Variants in USH2A observed in about 807,000 individuals in gnomAD.
USH2A encodes the protein Usher syndrome 2A (autosomal recessive, mild).
Under a neutral mutation model 538.9 loss-of-function variants are expected in USH2A, and 443 were observed. The ratio of observed to expected loss-of-function variants is 0.82; its 90% CI spans 0.76 to 0.89. The LOEUF is 0.89. Ranked by LOEUF, USH2A falls within the 40% of genes least tolerant of loss-of-function variation. The pLI, the probability that USH2A is intolerant of heterozygous loss-of-function variation, is 0.00. For missense variants in USH2A, 6,633 were observed against 6,324.8 expected (o/e 1.05, Z -1.65); for synonymous variants, 2,413 against 2,273.5 (o/e 1.06, Z -1.75).
chr1:216,358,228 G>A (rs2038424169), intron 4 of USH2A, among the ~76,000 whole-genome samples: 1 of 152,106 alleles, frequency 6.6e-6, no homozygotes. Flanking sequence ...CTTTCTGGGT[G>A]CAGAAACAGA....
At chr1:215,719,362 C>CAAAAAAAAAAAAA (rs375176415) in intron 61 of USH2A, among the ~76,000 whole-genome samples, 1 of 74,640 alleles carries the variant, frequency 1.3e-5, no homozygotes, top group African/African-American at 4.8e-5. Context: ...CCTCAGGAGA[C>CAAAAAAAAAAAAA]AAAAAAAAAA....
chr1:215,642,220 G>A (rs1008952970), intron 67 of USH2A, among the ~76,000 whole-genome samples: 1 of 152,142 alleles, frequency 6.6e-6, no homozygotes, highest in African/African-American at 2.4e-5. Context: ...GTACCACTAC[G>A]CTCCTAGCTT....
chr1:216,108,745 C>A (rs2032797829), intron 21 of USH2A, among the ~76,000 whole-genome samples: 2 of 151,864 alleles, frequency 1.3e-5, no homozygotes, highest in South Asian at 4.1e-4. Context: ...TATACTTATC[C>A]AATAAAGTTT....
At chr1:215,954,822 C>T (rs964610407) in intron 37 of USH2A, among the ~76,000 whole-genome samples, 1 of 152,084 alleles carries the variant, frequency 6.6e-6, no homozygotes, top group African/African-American at 2.4e-5. Context: ...TGAAGTAGCT[C>T]CTGTCTAACT....
intron 55 of USH2A, 104 bp downstream of exon 55, chr1:215,779,739 C>T (rs1373521292): frequency 7.3e-6 from 10 of 1,377,000 alleles, no homozygotes; most frequent in African/African-American, 4.3e-5. Flanking sequence ...CACGTCCTTT[C>T]GAAGTGACCT....
At chr1:215,637,924 T>C (rs1223298285) in intron 69 of USH2A, among the ~76,000 whole-genome samples, 1 of 152,202 alleles carries the variant, frequency 6.6e-6, no homozygotes, top group African/African-American at 2.4e-5. Context: ...GTGGAAAAGA[T>C]TTGGCATTTC....
intron 44 of USH2A, among the ~76,000 whole-genome samples, chr1:215,853,946 C>T (rs192875836): frequency 2.7e-4 from 41 of 152,328 alleles, no homozygotes; most frequent in African/African-American, 9.1e-4. Flanking sequence ...CTGAATCCTC[C>T]AAACTGTTCC....
At chr1:216,161,295 G>A (rs774292005) in intron 21 of USH2A, among the ~76,000 whole-genome samples, 1 of 151,882 alleles carries the variant, frequency 6.6e-6, no homozygotes, top group Non-Finnish European at 1.5e-5. Flanking sequence ...TCCTTTATCA[G>A]CTTAACCTGT....
chr1:215,770,809 A>C (rs1661255465), intron 55 of USH2A, among the ~76,000 whole-genome samples: 1 of 152,036 alleles, frequency 6.6e-6, no homozygotes, highest in African/African-American at 2.4e-5. Context: ...CACAGACATA[A>C]GAAAGGGCCG....
In USH2A at chr1:216,000,344, T is replaced by C. The variant is rs1668239033; in HGVS notation, c.6485+59A>G. 4.4e-6 allele frequency: 7 copies of C among 1,606,104 alleles called. No homozygotes were observed. In the South Asian group the frequency reaches 7.7e-5, roughly 18 times the overall value. ...TTATGTCACAAGCTCCTCCCCTGAT[T>C]GAACTCACTGAGATTCTTGCATGAA... is the stretch of plus-strand genomic sequence containing the variant. On this transcript the variant is annotated intron_variant, in intron 33 of 71. Transcript: ENST00000307340.
intron 37 of USH2A, among the ~76,000 whole-genome samples, chr1:215,942,423 C>T (rs957295320): frequency 6.6e-6 from 1 of 152,188 alleles, no homozygotes; most frequent in East Asian, 1.9e-4. Context: ...AGGACATGAA[C>T]ACCAGGAGGT....
At chr1:216,174,927 C>A in intron 21 of USH2A, 6 of 1,161,916 alleles carry the variant, frequency 5.2e-6, no homozygotes, top group Non-Finnish European at 6.4e-6. Context: ...CTCATTTGCT[C>A]AGAGAACACA....
chr1:216,375,233 T>C (rs894509457), intron 3 of USH2A, among the ~76,000 whole-genome samples: 2 of 152,168 alleles, frequency 1.3e-5, no homozygotes, highest in African/African-American at 2.4e-5. Context: ...AACTAGGCAT[T>C]GATTTCTCTT....
intron 20 of USH2A, among the ~76,000 whole-genome samples, chr1:216,176,024 C>T (rs78214003): frequency 0.015 from 2,353 of 152,272 alleles, 69 homozygotes; most frequent in African/African-American, 0.054. Flanking sequence ...GCATCAACTC[C>T]GTGCTGTAAT....
intron 21 of USH2A, among the ~76,000 whole-genome samples, chr1:216,164,545 G>C (rs1208056240): frequency 6.6e-6 from 1 of 152,104 alleles, no homozygotes; most frequent in Admixed American, 6.6e-5. Flanking sequence ...GGGAATAATA[G>C]AGTTAGGTTT....
chr1:215,774,966 AT>A (rs1458680321), intron 55 of USH2A, among the ~76,000 whole-genome samples: 1 of 151,498 alleles, frequency 6.6e-6, no homozygotes, highest in African/African-American at 2.4e-5. Context: ...AGTTGAAAAA[AT>A]GAAAAGAAAA....
chr1:216,396,466 G>A (rs1056294342), intron 3 of USH2A, among the ~76,000 whole-genome samples: 5 of 152,024 alleles, frequency 3.3e-5, no homozygotes, highest in Non-Finnish European at 7.4e-5. Context: ...AATAGGTTGC[G>A]ACAAAAATTA....
rs1407475964 is a variant in USH2A at position 215,678,713 on chromosome 1, G to C, written c.12294+1436C>G. Among the ~76,000 whole-genome samples the C allele has an allele frequency of 1.4e-4, 21 of 149,818 alleles. No homozygotes were observed. In the East Asian group the frequency reaches 3.9e-3, roughly 28 times the overall value. On this transcript the variant is annotated intron_variant, in intron 62 of 71. Transcript: ENST00000307340. Reference sequence around the variant, plus strand: ...ATACTCTGCCACATTTATTCACACAGACACACACACACACACACACGCACG... The same window carrying C: ...ATACTCTGCCACATTTATTCACACACACACACACACACACACACACGCACG...
chr1:215,956,777 T>C (rs1235410490), intron 37 of USH2A, among the ~76,000 whole-genome samples: 1 of 152,160 alleles, frequency 6.6e-6, no homozygotes, highest in East Asian at 1.9e-4. Context: ...AGCTGCTGTG[T>C]GAGTGTTGAG....
Sources: gnomAD v4.1 joint callset for allele counts (sites outside exome capture counted in the v4.1 genomes callset) on GRCh38, gnomAD v4.1.1 for gene constraint, MANE v1.5 for transcripts, NCBI Gene and HGNC (gene_info 2026-07-23, HGNC 2026-07-21) for gene names.